ST8SIA6: variants seen among roughly 807,000 people sequenced by gnomAD.
The protein encoded by ST8SIA6 is alpha-2,8-sialyltransferase 8F.
Under a neutral mutation model 33.6 loss-of-function variants are expected in ST8SIA6, and 39 were observed. That is an observed-to-expected ratio of 1.16 (90% confidence interval 0.90 to 1.52). The LOEUF is 1.52. Ranked by LOEUF, ST8SIA6 falls within the 40% of genes most tolerant of loss-of-function variation. The probability of loss-of-function intolerance (pLI) is 0.00; values close to 1 mark genes in which losing one functional copy is unlikely to be tolerated. For synonymous variants in ST8SIA6, 172 were observed against 167.2 expected (o/e 1.03, Z -0.22); for missense variants, 441 against 443.8 (o/e 0.99, Z 0.06).
intron 2 of ST8SIA6, among the ~76,000 whole-genome samples, chr10:17,393,617 G>A (rs1850699421): frequency 6.6e-6 from 1 of 152,190 alleles, no homozygotes. Flanking sequence ...TGACACAGGT[G>A]TAACTGGAGA....
At chr10:17,347,835 T>C (rs374290585) in intron 4 of ST8SIA6, among the ~76,000 whole-genome samples, 13 of 143,246 alleles carry the variant, frequency 9.1e-5, no homozygotes, top group African/African-American at 3.8e-4. Flanking sequence ...CTTGGGAGGC[T>C]GAGGCAGGAG....
intron 4 of ST8SIA6, among the ~76,000 whole-genome samples, chr10:17,333,689 A>T (rs1474594318): frequency 3.0e-4 from 4 of 13,384 alleles, no homozygotes; most frequent in African/African-American, 1.0e-3. Context: ...ATATATATAT[A>T]TATATATATA....
In ST8SIA6 at chr10:17,317,449, AG is replaced by A. The variant is rs1192232400; in HGVS notation, c.*3428del. 1.3e-5 allele frequency among the ~76,000 whole-genome samples: 2 copies of A among 152,214 alleles called. No individual in the cohort carries two copies. The highest frequency in any genetic ancestry group is 1.3e-4 in the Admixed American group (2 of 15,274). ...AGCCTCAAGTGGATTTATCAGATCA[AG>A]TGCATCAGATATATCAGATGAATTC... is the stretch of plus-strand genomic sequence containing the variant. On this transcript the variant is annotated 3_prime_UTR_variant, in exon 8 of 8. Coordinates refer to ENST00000377602, the MANE Select transcript of ST8SIA6 (RefSeq NM_001004470.3).
At chr10:17,323,730 T>C (rs1386572846) in intron 6 of ST8SIA6, among the ~76,000 whole-genome samples, 1 of 152,188 alleles carries the variant, frequency 6.6e-6, no homozygotes, top group Non-Finnish European at 1.5e-5. Flanking sequence ...TAATAACTTT[T>C]ATAAGTATCA....
intron 3 of ST8SIA6, among the ~76,000 whole-genome samples, chr10:17,385,605 C>G (rs1464422930): frequency 6.6e-6 from 1 of 152,004 alleles, no homozygotes; most frequent in Non-Finnish European, 1.5e-5. Context: ...GTGGGGAGAG[C>G]TGGAGACATA....
intron 2 of ST8SIA6, among the ~76,000 whole-genome samples, chr10:17,417,745 A>G (rs892540931): frequency 6.6e-6 from 1 of 152,140 alleles, no homozygotes; most frequent in Non-Finnish European, 1.5e-5. Context: ...TTCCTGCCCC[A>G]TCTGTCTCCT....
At chr10:17,341,909 A>G (rs1564410241) in intron 4 of ST8SIA6, among the ~76,000 whole-genome samples, 1 of 150,606 alleles carries the variant, frequency 6.6e-6, no homozygotes, top group Non-Finnish European at 1.5e-5. Flanking sequence ...TCAAAAAAAA[A>G]AAAAAAAAAA....
In ST8SIA6 at chr10:17,352,828, T is replaced by C. The variant is rs1263814045; in HGVS notation, c.377+6686A>G. ...CTAAATGCACAGGCATGCTGTATGG[T>C]AATGACAAATAGAAGATGATATGAC... On this transcript the variant is annotated intron_variant, in intron 4 of 7. Transcript: ENST00000377602. Among the ~76,000 whole-genome samples, 3 of 152,076 alleles carry C rather than the reference T, an allele frequency of 2.0e-5. No homozygotes were observed. The East Asian group carries it at 5.8e-4, about 29-fold the overall frequency.
At chr10:17,345,659 C>CTA (rs556339189) in intron 4 of ST8SIA6, among the ~76,000 whole-genome samples, 160 of 152,246 alleles carry the variant, frequency 1.1e-3, no homozygotes, top group Non-Finnish European at 1.8e-3. Flanking sequence ...TGCTGGAGAA[C>CTA]TATAGCAAGA....
intron 3 of ST8SIA6, among the ~76,000 whole-genome samples, chr10:17,368,257 A>T (rs1849619616): frequency 7.2e-6 from 1 of 138,170 alleles, no homozygotes; most frequent in Admixed American, 7.2e-5. Flanking sequence ...AAAAAAAAAA[A>T]ATTACAAAAT....
chr10:17,363,290 A>G (rs1175000975), intron 3 of ST8SIA6, among the ~76,000 whole-genome samples: 1 of 150,888 alleles, frequency 6.6e-6, no homozygotes, highest in East Asian at 2.0e-4. Context: ...AGGCATGCAT[A>G]TGTGTGTGTG....
At chr10:17,334,551 A>ATTATT (rs370610031) in intron 4 of ST8SIA6, among the ~76,000 whole-genome samples, 124 of 142,772 alleles carry the variant, frequency 8.7e-4, no homozygotes, top group Middle Eastern at 7.3e-3. Context: ...AAAAAAAAAA[A>ATTATT]ATTATTATTA....
Position 17,422,181 on chromosome 10 carries a change from A to C in ST8SIA6, c.200+31378T>G, listed in dbSNP as rs192883492. ...TCTTTAATCACGCTAAAAGAGAAAA[A>C]AACTGAATATTGAAGAGCAAAATAA... On this transcript the variant is annotated intron_variant, in intron 2 of 7. Coordinates refer to ENST00000377602, the MANE Select transcript of ST8SIA6 (RefSeq NM_001004470.3). 7.7e-4 allele frequency among the ~76,000 whole-genome samples: 118 copies of C among 152,336 alleles called. 1 individual carries two copies. The highest frequency in any genetic ancestry group is 1.3e-3 in the Non-Finnish European group (91 of 68,026).
intron 2 of ST8SIA6, among the ~76,000 whole-genome samples, chr10:17,415,517 ACTC>A (rs1851575409): frequency 1.3e-5 from 2 of 151,576 alleles, no homozygotes; most frequent in Admixed American, 6.6e-5. Context: ...AAACTCATTT[ACTC>A]CTCCTCTAAA....
At chr10:17,441,277 A>G (rs1025088095) in intron 2 of ST8SIA6, among the ~76,000 whole-genome samples, 2 of 151,754 alleles carry the variant, frequency 1.3e-5, no homozygotes, top group Non-Finnish European at 1.5e-5. Flanking sequence ...TCTTCTGTGT[A>G]TAGTGTAAGG....
chr10:17,437,655 T>G (rs1852319813), intron 2 of ST8SIA6, among the ~76,000 whole-genome samples: 1 of 139,542 alleles, frequency 7.2e-6, no homozygotes, highest in South Asian at 2.6e-4. Flanking sequence ...CCTTCCTTCC[T>G]TCCTTCCTTC....
chr10:17,421,868 T>C (rs1239311146), intron 2 of ST8SIA6, among the ~76,000 whole-genome samples: 1 of 152,176 alleles, frequency 6.6e-6, no homozygotes, highest in Non-Finnish European at 1.5e-5. Flanking sequence ...TGCCCGGCCT[T>C]CAATTTTATT....
intron 2 of ST8SIA6, among the ~76,000 whole-genome samples, chr10:17,404,989 C>T (rs1851200705): frequency 6.6e-6 from 1 of 152,208 alleles, no homozygotes; most frequent in Admixed American, 6.6e-5. Context: ...AACTCTCCCT[C>T]TCCCACACCA....
rs527914804 is a variant in ST8SIA6, at chr10:17,426,248, C to T, written c.200+27311G>A. ...GGACTAATACATTGCCATCCATCTC[C>T]TTATCTAGTGCTGGGTGTCATGTGT... On this transcript the variant is annotated intron_variant, in intron 2 of 7. Transcript: ENST00000377602. 4.6e-5 allele frequency among the ~76,000 whole-genome samples: 7 copies of T among 152,310 alleles called. 1 individual carries two copies. Among genetic ancestry groups the T allele is most frequent in the African/African-American group, 1.7e-4 (7 of 41,568 alleles).
Sources: gnomAD v4.1 joint callset for allele counts (sites outside exome capture counted in the v4.1 genomes callset) on GRCh38, gnomAD v4.1.1 for gene constraint, MANE v1.5 for transcripts, NCBI Gene and HGNC (gene_info 2026-07-23, HGNC 2026-07-21) for gene names.